The following TPCN2 variants were observed in gnomAD, a reference collection of about 807,000 sequenced individuals.
TPCN2 encodes two pore segment channel 2.
In TPCN2, 92 loss-of-function variants were observed where a neutral mutation model predicts 111.4. The observed-to-expected ratio is 0.83, with a 90% CI of 0.70 to 0.98. The LOEUF is 0.98. Among genes scored for constraint, TPCN2 ranks in the 50% least tolerant of loss-of-function variants. TPCN2 has a pLI of 0.00. For missense variants in TPCN2, 995 were observed against 980.1 expected (o/e 1.02, Z -0.20); for synonymous variants, 405 against 414.5 (o/e 0.98, Z 0.28).
chr11:69,060,485 G>C (rs1191058338), intron 5 of TPCN2, among the ~76,000 whole-genome samples: 1 of 152,174 alleles, frequency 6.6e-6, no homozygotes, highest in Non-Finnish European at 1.5e-5. Flanking sequence ...GTCACTGTTG[G>C]GTTTTGCTCG....
chr11:69,075,867 G>A (rs1024917397), intron 13 of TPCN2, among the ~76,000 whole-genome samples: 1 of 152,168 alleles, frequency 6.6e-6, no homozygotes, highest in Admixed American at 6.5e-5. Context: ...ACAACAGAGG[G>A]AAGTGGGAAA....
At chr11:69,056,831 G>A (rs1234782136) in intron 4 of TPCN2, among the ~76,000 whole-genome samples, 1 of 147,824 alleles carries the variant, frequency 6.8e-6, no homozygotes, top group East Asian at 2.0e-4. Flanking sequence ...GTGCCCGGCC[G>A]TCTTTTATTT....
chr11:69,052,999 A>G (rs915780923), intron 1 of TPCN2, among the ~76,000 whole-genome samples: 1 of 152,226 alleles, frequency 6.6e-6, no homozygotes, highest in Non-Finnish European at 1.5e-5. Context: ...CTCTGCAGCG[A>G]GGCCAGAGGT....
At position 69,062,949 on chromosome 11, in the gene TPCN2, G is replaced by A. The variant is rs1252562473; in HGVS notation, c.612G>A (p.Lys204=). The A allele has an allele frequency of 4.3e-6, 7 of 1,614,008 alleles. No individual in the cohort carries two copies. The Admixed American group carries it at 1.2e-4, about 27-fold the overall frequency. The change falls in exon 6 of 25, where the codon AAG becomes AAA. Residue 204 remains lysine, a synonymous_variant. Transcript: ENST00000294309. ...TGCAGAACTCCTCTATGATGAAGAA[G>A]ACCTTGAAATGCATCCGCTGGTCGC... The part of the protein sequence containing the change: ...FLLQNSSMMK[K]TLKCIRWSLP...
At position 69,055,345 on chromosome 11, in the gene TPCN2, CTG is replaced by C. The variant is rs1333844905; in HGVS notation, c.425_426del (p.Val142GlufsTer40). ...CTGCTGGTCTTTGCGGCCGACCTCT[CTG>C]TGAAGGTGAGGCGGGCGCCAGGCCC... On this transcript the variant is annotated frameshift_variant, in exon 4 of 25. Transcript: ENST00000294309. LOFTEE classifies it high-confidence loss of function. 1 of 1,608,088 alleles carries C rather than the reference CTG, an allele frequency of 6.2e-7. No individual in the cohort carries two copies. Among genetic ancestry groups the C allele is most frequent in the East Asian group, 2.2e-5 (1 of 44,826 alleles).
Position 69,086,565 on chromosome 11 carries a change from T to G in TPCN2, c.2046T>G (p.Ser682=). The G allele has an allele frequency of 6.2e-7, 1 of 1,614,184 alleles. No homozygotes were observed. Among genetic ancestry groups the G allele is most frequent in the South Asian group, 1.1e-5 (1 of 91,084 alleles). ...IYFVLWWLVS[S]VIWVNLFLAL... is the part of the protein sequence containing the mutation. ...TTGTATTGTGGTGGCTGGTGTCGTC[T>G]GTCATCTGGGTCAACCTGTTTCTGG... The change falls in exon 23 of 25, where the codon TCT becomes TCG. Residue 682 remains serine, a synonymous_variant. Transcript: ENST00000294309.
chr11:69,061,729 A>T (rs1453249490), intron 5 of TPCN2, among the ~76,000 whole-genome samples: 1 of 151,792 alleles, frequency 6.6e-6, no homozygotes, highest in Non-Finnish European at 1.5e-5. Context: ...AGGGGAGTGA[A>T]TGGAGGGGAG....
chr11:69,057,361 A>G (rs1854818702), intron 4 of TPCN2, among the ~76,000 whole-genome samples: 1 of 152,198 alleles, frequency 6.6e-6, no homozygotes, highest in Non-Finnish European at 1.5e-5. Flanking sequence ...CAGGCCAGAG[A>G]GCTTTGGTGC....
Position 69,086,024 on chromosome 11 carries a change from G to A in TPCN2, c.2003+94G>A, listed in dbSNP as rs577369901. The A allele has an allele frequency of 1.9e-5, 25 of 1,303,580 alleles. 1 individual carries two copies. In the African/African-American group the frequency reaches 2.8e-4, roughly 15 times the overall value. The allele number at this position is 1,303,580 out of a possible 1,614,324, so 80.8% of individuals were successfully genotyped here. On this transcript the variant is annotated intron_variant, in intron 22 of 24. Transcript: ENST00000294309. ...GCTGCATCTGCACTGGACGCCCGGA[G>A]CGTGGCTGGGACGGGGACTCGGGCC...
intron 7 of TPCN2, among the ~76,000 whole-genome samples, chr11:69,064,347 C>A (rs1855168311): frequency 7.2e-6 from 1 of 139,638 alleles, no homozygotes; most frequent in Non-Finnish European, 1.6e-5. Context: ...AGGGTGGGTC[C>A]TCTGGTTTCT....
chr11:69,054,970 C>T (rs1174733571), intron 3 of TPCN2, among the ~76,000 whole-genome samples, 173 bp downstream of exon 3: 1 of 152,216 alleles, frequency 6.6e-6, no homozygotes, highest in East Asian at 1.9e-4. Flanking sequence ...TGGCAGGCTC[C>T]TTCTACAACA....
chr11:69,062,740 G>A (rs559714607), intron 5 of TPCN2, 144 bp from the exon 6 acceptor site: 1 of 738,012 alleles, frequency 1.4e-6, no homozygotes. Flanking sequence ...CAGCTCTGGA[G>A]CCAGGCCCTC....
chr11:69,078,811 C>G lies in TPCN2; in HGVS notation c.1410+18C>G. The G allele has an allele frequency of 1.2e-6, 2 of 1,614,136 alleles. No individual in the cohort carries two copies. Among genetic ancestry groups the G allele is most frequent in the Non-Finnish European group, 1.7e-6 (2 of 1,180,038 alleles). On this transcript the variant is annotated intron_variant, in intron 15 of 24. Coordinates refer to ENST00000294309, the MANE Select transcript of TPCN2 (RefSeq NM_139075.4). ...TCCTGGGGGTAAGTTCTGAGCTGTC[C>G]ACCTGTCAGGGCCAGGGTGAGGCTG...
rs750211582 is a variant in TPCN2, at chr11:69,085,759, C to T, written c.1920+7C>T. The T allele has an allele frequency of 5.0e-6, 8 of 1,613,978 alleles. No individual in the cohort carries two copies. The highest frequency in any genetic ancestry group is 5.9e-6 in the Non-Finnish European group (7 of 1,179,860). On this transcript the variant is annotated splice_region_variant and intron_variant, in intron 21 of 24. Coordinates refer to ENST00000294309, the MANE Select transcript of TPCN2 (RefSeq NM_139075.4). ...CAACTTCGATGACTTTGCGGTGAGCCCTGCGCCCTGTCCCAGCACCCTGCT... is the reference window on the plus strand; with the variant it reads ...CAACTTCGATGACTTTGCGGTGAGCTCTGCGCCCTGTCCCAGCACCCTGCT...
chr11:69,088,923 C>T lies in TPCN2; in HGVS notation c.*970C>T, dbSNP rs1856370569. ...TGACTACATTTAAGGTAAGGTGGAC[C>T]CAGCAACTCCCAGAAACAACTCCGG... On this transcript the variant is annotated 3_prime_UTR_variant, in exon 25 of 25. Transcript: ENST00000294309. 1 of 152,258 alleles carries T rather than the reference C, an allele frequency of 6.6e-6. No individual in the cohort carries two copies. The highest frequency in any genetic ancestry group is 2.4e-5 in the African/African-American group (1 of 41,528). 9.4% of individuals were successfully genotyped at this position (152,258 alleles called of 1,614,324 possible). A position where few individuals can be genotyped will look rare whatever the true frequency, so the allele number is the denominator to read the frequency against.
chr11:69,065,290 G>A (rs567963328), intron 7 of TPCN2, among the ~76,000 whole-genome samples: 1 of 152,340 alleles, frequency 6.6e-6, no homozygotes, highest in African/African-American at 2.4e-5. Context: ...GCCAGAGCCT[G>A]TACCAGGTGG....
intron 4 of TPCN2, among the ~76,000 whole-genome samples, chr11:69,055,663 TGCCG>T (rs1854728461): frequency 6.7e-6 from 1 of 150,326 alleles, no homozygotes. Flanking sequence ...GAGGCCAGTG[TGCCG>T]TCAGCTCTCC....
At chr11:69,053,516 T>G (rs1243272852) in intron 1 of TPCN2, among the ~76,000 whole-genome samples, 1 of 152,046 alleles carries the variant, frequency 6.6e-6, no homozygotes, top group African/African-American at 2.4e-5. Context: ...TCATGAAGAC[T>G]GTGCAGGAGC....
Position 69,081,448 on chromosome 11 carries a change from G to T in TPCN2, c.1638G>T (p.Met546Ile). The T allele has an allele frequency of 1.3e-6, 2 of 1,575,148 alleles. No individual in the cohort carries two copies. The highest frequency in any genetic ancestry group is 8.6e-7 in the Non-Finnish European group (1 of 1,160,270). ...GLLSLWDMTRMLNMLIVFRFL... is the reference protein window; with the variant it reads ...GLLSLWDMTRILNMLIVFRFL... Reference sequence around the variant, plus strand: ...TGTCGCTGTGGGACATGACCCGCATGCTGAACATGCTCATCGTGTTCCGCT... The same window carrying T: ...TGTCGCTGTGGGACATGACCCGCATTCTGAACATGCTCATCGTGTTCCGCT... The change falls in exon 18 of 25, where the codon ATG (methionine) becomes ATT (isoleucine). Residue 546 changes from methionine (M) to isoleucine (I), a missense_variant. Physicochemically the swap from Met to Ile is conservative, Grantham distance 10. Coordinates refer to ENST00000294309, the MANE Select transcript of TPCN2 (RefSeq NM_139075.4).
Sources: allele counts gnomAD v4.1 joint callset (sites outside exome capture counted in the v4.1 genomes callset), GRCh38; gene constraint gnomAD v4.1.1; transcripts MANE v1.5; gene names NCBI Gene and HGNC (gene_info 2026-07-23, HGNC 2026-07-21).